The following CCT6A variants were observed in gnomAD, a reference collection of about 807,000 sequenced individuals.
CCT6A encodes T-complex protein 1 subunit zeta.
CCT6A carries 6 observed loss-of-function variants against 58.6 expected under a neutral mutation model. That is an observed-to-expected ratio of 0.10 (90% CI 0.06 to 0.20). The LOEUF (loss-of-function observed/expected upper bound fraction) is 0.20, where lower values mean the gene tolerates loss of function less well. CCT6A is among the 10% of genes least tolerant of loss of function. The probability of loss-of-function intolerance (pLI) is 1.00; values close to 1 mark genes in which losing one functional copy is unlikely to be tolerated. For missense variants in CCT6A, 516 were observed against 648.8 expected (o/e 0.80, Z 2.22); for synonymous variants, 245 against 227.8 (o/e 1.08, Z -0.68).
intron 1 of CCT6A, 28 bp downstream of exon 1, chr7:56,052,013 G>A: frequency 2.1e-6 from 3 of 1,430,846 alleles, no homozygotes; most frequent in Non-Finnish European, 1.8e-6. Context: ...CGGAGGGCCG[G>A]GCGGGCACCG....
intron 10 of CCT6A, 132 bp from the exon 11 acceptor site, chr7:56,060,675 T>G: frequency 8.3e-7 from 1 of 1,198,344 alleles, no homozygotes; most frequent in Non-Finnish European, 1.2e-6. Context: ...CATTCTCCTA[T>G]TTGGTATGTT....
intron 2 of CCT6A, among the ~76,000 whole-genome samples, chr7:56,053,294 C>G (rs751929301): frequency 4.6e-5 from 7 of 152,156 alleles, no homozygotes. Flanking sequence ...GATTTGAGTT[C>G]AGAATAATAT....
chr7:56,061,694 T>TTTTTTTTTTTTTTTTTTTTTTTTTTTA, intron 11 of CCT6A, 53 bp from the exon 12 acceptor site: 2 of 409,622 alleles, frequency 4.9e-6, no homozygotes, highest in South Asian at 2.7e-5. Context: ...TTTTTTTTTT[T>TTTTTTTTTTTTTTTTTTTTTTTTTTTA]ACTATCAGTT....
intron 11 of CCT6A, among the ~76,000 whole-genome samples, chr7:56,061,270 C>T (rs1452197746): frequency 2.0e-5 from 3 of 151,594 alleles, no homozygotes; most frequent in Non-Finnish European, 4.4e-5. Context: ...TAATTTATGA[C>T]TGGTGTATTG....
At chr7:56,057,524 T>C (rs2068225491) in intron 5 of CCT6A, among the ~76,000 whole-genome samples, 1 of 152,156 alleles carries the variant, frequency 6.6e-6, no homozygotes, top group South Asian at 2.1e-4. Flanking sequence ...TCATCACAGT[T>C]TGACAGCCTA....
In CCT6A at chr7:56,058,057, GATGC is replaced by G; in HGVS notation, c.682_685del (p.Ala228ThrfsTer9). ...TCCTGATATGAAGAAAAGGGTGGAGGATGCATACATCCTCACTTGTAACGTGTCA... is the reference window on the plus strand; with the variant it reads ...TCCTGATATGAAGAAAAGGGTGGAGGATACATCCTCACTTGTAACGTGTCA... On this transcript the variant is annotated frameshift_variant, in exon 6 of 14. Transcript: ENST00000275603. LOFTEE classifies it high-confidence loss of function. The G allele has an allele frequency of 6.2e-7, 1 of 1,612,380 alleles. No homozygotes were observed.
At position 56,051,831 on chromosome 7, in the gene CCT6A, T is replaced by A. The variant is rs575719815; in HGVS notation, c.-18T>A. 1 of 1,552,110 alleles carries A rather than the reference T, an allele frequency of 6.4e-7. No homozygotes were observed. The highest frequency in any genetic ancestry group is 2.5e-5 in the East Asian group (1 of 40,772). On this transcript the variant is annotated 5_prime_UTR_variant, in exon 1 of 14. Transcript: ENST00000275603. ...CTGGGCACTCAGCATCGTTTCCTTT[T>A]CCTCCGCTGGAGCAGCTATGGCGGC...
rs1322604450 is a variant in CCT6A, at chr7:56,063,259, T to C, written c.*174T>C. The stretch of plus-strand genomic sequence containing the variant: ...GGAAGTTCTGAAATTATAGTATTTT[T>C]AAAAATTGCACTGAAGTGTATACAC... On this transcript the variant is annotated 3_prime_UTR_variant, in exon 14 of 14. Transcript: ENST00000275603. The C allele has an allele frequency of 3.3e-6, 2 of 608,844 alleles. No individual in the cohort carries two copies. Among genetic ancestry groups the C allele is most frequent in the Non-Finnish European group, 5.8e-6 (2 of 344,056 alleles). The allele number at this position is 608,844 out of a possible 1,614,324, so 37.7% of individuals were successfully genotyped here.
intron 9 of CCT6A, 26 bp downstream of exon 9, chr7:56,059,666 A>T: frequency 9.1e-7 from 1 of 1,095,006 alleles, no homozygotes; most frequent in African/African-American, 1.5e-5. Flanking sequence ...TCTTAAAGGT[A>T]ATAGAACCTT....
At chr7:56,059,765 T>C in intron 9 of CCT6A, 125 bp downstream of exon 9, 2 of 592,952 alleles carry the variant, frequency 3.4e-6, no homozygotes, top group Non-Finnish European at 6.0e-6. Context: ...CACAGTTCAC[T>C]ACAGCCTCAT....
At position 56,063,366 on chromosome 7, in the gene CCT6A, GTTAC is replaced by G; in HGVS notation, c.*286_*289del. On this transcript the variant is annotated 3_prime_UTR_variant, in exon 14 of 14. Coordinates refer to ENST00000275603, the MANE Select transcript of CCT6A (RefSeq NM_001762.4). ...AAAATTCCATGTTAGATAAGCATAT[GTTAC>G]TTACCTTGTTATTAAATATTTCTTG... 2.6e-6 allele frequency: 1 copy of G among 388,516 alleles called. No individual in the cohort carries two copies. Among genetic ancestry groups the G allele is most frequent in the Non-Finnish European group, 4.6e-6 (1 of 216,144 alleles). 24.1% of individuals were successfully genotyped at this position (388,516 alleles called of 1,614,324 possible).
chr7:56,059,890 A>G, intron 9 of CCT6A: 1 of 411,870 alleles, frequency 2.4e-6, no homozygotes, highest in South Asian at 3.4e-5. Flanking sequence ...TTGTAGAAAC[A>G]GGTTCATAAT....
At position 56,054,383 on chromosome 7, in the gene CCT6A, A is replaced by T. The variant is rs57748693; in HGVS notation, c.216A>T (p.Pro72=). 5,689 of 1,607,462 alleles carry T rather than the reference A, an allele frequency of 3.5e-3. 297 individuals carry two copies. In the East Asian group the frequency reaches 0.1, roughly 29 times the overall value. The change falls in exon 3 of 14, where the codon CCA becomes CCT. Residue 72 remains proline (P), a synonymous_variant. Coordinates refer to ENST00000275603, the MANE Select transcript of CCT6A (RefSeq NM_001762.4). ...TCTACTTACAGCAAATTCAACACCCAACAGCTTCCTTAATAGCAAAGGTAG... is the reference window on the plus strand; with the variant it reads ...TCTACTTACAGCAAATTCAACACCCTACAGCTTCCTTAATAGCAAAGGTAG... The part of the protein sequence containing the change: ...VLLHEMQIQH[P]TASLIAKVAT...
intron 3 of CCT6A, chr7:56,055,293 TAAAG>T: frequency 3.4e-6 from 1 of 290,756 alleles, no homozygotes; most frequent in Non-Finnish European, 6.8e-6. Flanking sequence ...TGAAAGAAAA[TAAAG>T]ATAGGATAAT....
At chr7:56,060,630 G>T in intron 10 of CCT6A, 177 bp from the exon 11 acceptor site, 1 of 946,728 alleles carries the variant, frequency 1.1e-6, no homozygotes, top group Non-Finnish European at 1.7e-6. Flanking sequence ...TCTGTTGAAA[G>T]CTGCCAGTGG....
chr7:56,060,600 A>C, intron 10 of CCT6A, 184 bp downstream of exon 10: 1 of 937,138 alleles, frequency 1.1e-6, no homozygotes, highest in Non-Finnish European at 1.7e-6. Flanking sequence ...GGTGAATACA[A>C]ATAAATGAAC....
Position 56,062,877 on chromosome 7 carries a change from A to T in CCT6A, c.1523+122A>T, listed in dbSNP as rs553203564. The T allele has an allele frequency of 5.7e-5, 64 of 1,129,170 alleles. No individual in the cohort carries two copies. In the East Asian group the frequency reaches 1.3e-3, roughly 24 times the overall value. The allele number at this position is 1,129,170 out of a possible 1,614,324, so 69.9% of individuals were successfully genotyped here. ...GATCAGCTGGAAGTATGGAAACTGA[A>T]CTAGCCCTCTGATGTGTAGAGGGGA... On this transcript the variant is annotated intron_variant, in intron 13 of 13. Transcript: ENST00000275603.
At position 56,058,066 on chromosome 7, in the gene CCT6A, A is replaced by G. The variant is rs1794353129; in HGVS notation, c.688A>G (p.Ile230Val). 1 of 1,609,858 alleles carries G rather than the reference A, an allele frequency of 6.2e-7. No homozygotes were observed. The highest frequency in any genetic ancestry group is 8.5e-7 in the Non-Finnish European group (1 of 1,176,250). Residue 230 changes from isoleucine to valine, a missense_variant, in exon 6 of 14, where the codon ATC (isoleucine) becomes GTC (valine). Physicochemically the swap from Ile to Val is conservative, Grantham distance 29. Coordinates refer to ENST00000275603, the MANE Select transcript of CCT6A (RefSeq NM_001762.4). Reference protein sequence around the residue: ...DMKKRVEDAYILTCNVSLEYE... With the variant: ...DMKKRVEDAYVLTCNVSLEYE... The stretch of plus-strand genomic sequence containing the variant: ...GAAGAAAAGGGTGGAGGATGCATAC[A>G]TCCTCACTTGTAACGTGTCATTAGA...
chr7:56,054,596 T>G lies in CCT6A; in HGVS notation c.336+93T>G, dbSNP rs982504421. ...GATGTGCTGTTAATAGTAGCTGAGG[T>G]CATACAGTAGAATTAGGGGGCTTAA... On this transcript the variant is annotated intron_variant, in intron 3 of 13. Coordinates refer to ENST00000275603, the MANE Select transcript of CCT6A (RefSeq NM_001762.4). 7.2e-6 allele frequency: 9 copies of G among 1,258,618 alleles called. No homozygotes were observed. In the African/African-American group the frequency reaches 1.3e-4, roughly 19 times the overall value. The allele number at this position is 1,258,618 out of a possible 1,614,324, so 78.0% of individuals were successfully genotyped here.
Sources: gnomAD v4.1 joint callset for allele counts (sites outside exome capture counted in the v4.1 genomes callset) on GRCh38, gnomAD v4.1.1 for gene constraint, MANE v1.5 for transcripts, NCBI Gene and HGNC (gene_info 2026-07-23, HGNC 2026-07-21) for gene names.